CNBD1: variants seen among roughly 807,000 people sequenced by gnomAD.
CNBD1 encodes cyclic nucleotide-binding domain-containing protein 1.
Under a neutral mutation model 54.4 loss-of-function variants are expected in CNBD1, and 71 were observed. The ratio of observed to expected loss-of-function variants is 1.30; its 90% CI spans 1.08 to 1.59. The LOEUF is 1.59. CNBD1 is among the 40% of genes most tolerant of loss of function. CNBD1 has a pLI of 0.00. For synonymous variants in CNBD1, 182 were observed against 170.7 expected (o/e 1.07, Z -0.51); for missense variants, 659 against 518.0 (o/e 1.27, Z -2.64).
chr8:87,051,172 C>T (rs1036917427), intron 4 of CNBD1, among the ~76,000 whole-genome samples: 19 of 152,120 alleles, frequency 1.2e-4, no homozygotes, highest in African/African-American at 4.3e-4. Context: ...AGCTGAGGGT[C>T]TGAGAAAAAT....
intron 4 of CNBD1, among the ~76,000 whole-genome samples, chr8:87,089,358 A>T (rs954465794): frequency 6.6e-5 from 10 of 152,122 alleles, no homozygotes; most frequent in Non-Finnish European, 1.2e-4. Context: ...TATGTGTGTT[A>T]GTTTAGAAAG....
In CNBD1 at chr8:86,967,957, AAAGT is replaced by A. The variant is rs1202782626; in HGVS notation, c.431+28204_431+28207del. ...ATAGCGGTAAGGTGTAGGGAGAAAG[AAAGT>A]GTTTTATAGCCCTGTGATTAAGTCT... is the stretch of plus-strand genomic sequence containing the variant. On this transcript the variant is annotated intron_variant, in intron 4 of 10. Coordinates refer to ENST00000518476, the MANE Select transcript of CNBD1 (RefSeq NM_173538.3). 6.6e-5 allele frequency among the ~76,000 whole-genome samples: 10 copies of A among 152,110 alleles called. No individual in the cohort carries two copies. In the East Asian group the frequency reaches 1.9e-3, roughly 29 times the overall value.
intron 4 of CNBD1, among the ~76,000 whole-genome samples, chr8:87,159,700 C>T (rs1024152049): frequency 2.0e-5 from 3 of 152,044 alleles, no homozygotes; most frequent in Admixed American, 6.6e-5. Flanking sequence ...ACCTCTGCAG[C>T]CAACCTAAGG....
chr8:87,120,325 T>C (rs1252645337), intron 4 of CNBD1, among the ~76,000 whole-genome samples: 1 of 152,042 alleles, frequency 6.6e-6, no homozygotes, highest in African/African-American at 2.4e-5. Flanking sequence ...AAGGAATCTA[T>C]CCATTTCCTC....
chr8:87,279,559 G>A (rs1388915729), intron 6 of CNBD1, among the ~76,000 whole-genome samples: 3 of 151,182 alleles, frequency 2.0e-5, no homozygotes, highest in East Asian at 3.9e-4. Flanking sequence ...TAACCAGAAG[G>A]CCAAAGTAGC....
intron 2 of CNBD1, among the ~76,000 whole-genome samples, chr8:87,406,129 AC>A (rs1217184610): frequency 6.6e-6 from 1 of 152,130 alleles, no homozygotes; most frequent in African/African-American, 2.4e-5. Flanking sequence ...AATGATACAA[AC>A]AAGAAGGAAT....
intron 4 of CNBD1, among the ~76,000 whole-genome samples, chr8:87,017,905 A>G (rs1056445590): frequency 6.6e-6 from 1 of 152,200 alleles, no homozygotes; most frequent in African/African-American, 2.4e-5. Flanking sequence ...AAAGACTGAA[A>G]CTAAAATAAC....
chr8:86,979,244 TA>T (rs1317930232), intron 4 of CNBD1, among the ~76,000 whole-genome samples: 1 of 151,638 alleles, frequency 6.6e-6, no homozygotes, highest in Non-Finnish European at 1.5e-5. Context: ...TTTCCTTTTT[TA>T]AAATTAAAAG....
At chr8:87,317,859 C>G (rs1809425646) in intron 8 of CNBD1, among the ~76,000 whole-genome samples, 1 of 142,688 alleles carries the variant, frequency 7.0e-6, no homozygotes, top group Non-Finnish European at 1.6e-5. Context: ...CCATGTTTCA[C>G]TGTTTCTCTG....
chr8:87,250,094 C>G (rs969676853), intron 6 of CNBD1, among the ~76,000 whole-genome samples: 5 of 152,028 alleles, frequency 3.3e-5, no homozygotes, highest in African/African-American at 1.2e-4. Context: ...GATTAATAAC[C>G]AGAATTTATA....
In CNBD1 at chr8:87,351,667, T is replaced by C. The variant is rs371914679; in HGVS notation, c.1043-18T>C. On this transcript the variant is annotated intron_variant, in intron 8 of 10. Transcript: ENST00000518476. ...AAAGACAAGAATGTGTGAAATGAAC[T>C]ATCTCTCTTCTTTTCAGTGATAGTG... The C allele has an allele frequency of 9.5e-6, 14 of 1,471,500 alleles. No individual in the cohort carries two copies. In the African/African-American group the frequency reaches 1.3e-4, roughly 14 times the overall value. The allele number at this position is 1,471,500 out of a possible 1,614,324, so 91.2% of individuals were successfully genotyped here.
chr8:87,045,694 C>T (rs1353570155), intron 4 of CNBD1, among the ~76,000 whole-genome samples: 1 of 141,194 alleles, frequency 7.1e-6, no homozygotes, highest in Non-Finnish European at 1.5e-5. Flanking sequence ...CACTGCACTC[C>T]AGCCTGGGCG....
chr8:87,046,620 T>G (rs1563448330), intron 4 of CNBD1, among the ~76,000 whole-genome samples: 1 of 152,146 alleles, frequency 6.6e-6, no homozygotes, highest in African/African-American at 2.4e-5. Flanking sequence ...GTGTAAGAGA[T>G]GCAGCTAGTC....
chr8:86,988,672 TC>T (rs968889619), intron 4 of CNBD1, among the ~76,000 whole-genome samples: 49 of 152,114 alleles, frequency 3.2e-4, no homozygotes, highest in African/African-American at 1.1e-3. Flanking sequence ...CCATCCCACA[TC>T]CCCCCCTTTC....
chr8:87,323,453 C>T (rs893957994), intron 8 of CNBD1, among the ~76,000 whole-genome samples: 5 of 130,388 alleles, frequency 3.8e-5, no homozygotes, highest in Non-Finnish European at 6.8e-5. Flanking sequence ...AATGTTCTTC[C>T]ATTTGTTTGT....
chr8:87,023,782 GC>G, intron 4 of CNBD1, among the ~76,000 whole-genome samples: 1 of 152,152 alleles, frequency 6.6e-6, no homozygotes. Context: ...GAAAACCTTG[GC>G]TTTATCATTT....
At chr8:86,867,738 A>G (rs1808384772) in intron 1 of CNBD1, among the ~76,000 whole-genome samples, 1 of 152,230 alleles carries the variant, frequency 6.6e-6, no homozygotes. Flanking sequence ...AAAAGTCACC[A>G]TAAAATAATA....
At chr8:87,198,863 T>G (rs1238493699) in intron 4 of CNBD1, among the ~76,000 whole-genome samples, 10 of 152,162 alleles carry the variant, frequency 6.6e-5, no homozygotes, top group Admixed American at 5.9e-4. Context: ...AAAAGGGGTT[T>G]AATTGGCTCA....
At chr8:86,979,007 T>C (rs1808407522) in intron 4 of CNBD1, among the ~76,000 whole-genome samples, 1 of 152,106 alleles carries the variant, frequency 6.6e-6, no homozygotes, top group African/African-American at 2.4e-5. Flanking sequence ...ATGGTAGTAA[T>C]GTTAAGATTA....
Sources: allele counts gnomAD v4.1 joint callset (sites outside exome capture counted in the v4.1 genomes callset), GRCh38; gene constraint gnomAD v4.1.1; transcripts MANE v1.5; gene names NCBI Gene and HGNC (gene_info 2026-07-23, HGNC 2026-07-21).